Variants in NTM observed in about 807,000 individuals in gnomAD.
The protein encoded by NTM is IgLON family member 2.
NTM carries 13 observed loss-of-function variants against 42.1 expected under a neutral mutation model. The observed-to-expected ratio is 0.31, with a 90% CI of 0.20 to 0.49. NTM has a LOEUF of 0.49. Ranked by LOEUF, NTM falls within the 20% of genes least tolerant of loss-of-function variation. The pLI is 0.99. For synonymous variants in NTM, 187 were observed against 179.2 expected, an observed-to-expected ratio of 1.04 and a Z score of -0.35; for missense variants, 373 against 452.8, an observed-to-expected ratio of 0.82 and a Z score of 1.60.
intron 1 of NTM, among the ~76,000 whole-genome samples, chr11:131,425,271 T>G (rs1033304307): frequency 7.8e-6 from 1 of 127,854 alleles, no homozygotes; most frequent in Non-Finnish European, 1.6e-5. Flanking sequence ...ATGAAATAAC[T>G]GATGTGCAAG....
At chr11:131,558,256 C>A (rs979779385) in intron 1 of NTM, among the ~76,000 whole-genome samples, 7 of 152,086 alleles carry the variant, frequency 4.6e-5, no homozygotes, top group Non-Finnish European at 8.8e-5. Flanking sequence ...AGTGCTAACC[C>A]CTCCAGCCTG....
At chr11:132,321,168 T>C (rs2095560149) in intron 7 of NTM, among the ~76,000 whole-genome samples, 1 of 152,196 alleles carries the variant, frequency 6.6e-6, no homozygotes, top group Non-Finnish European at 1.5e-5. Context: ...TGAACAAAGC[T>C]GGACAGAGAA....
intron 2 of NTM, among the ~76,000 whole-genome samples, chr11:132,078,081 A>G (rs985178947): frequency 1.3e-5 from 2 of 152,216 alleles, no homozygotes; most frequent in African/African-American, 4.8e-5. Context: ...GCCCCACACG[A>G]GGGGATCATC....
chr11:131,878,886 C>A (rs1029098629), intron 1 of NTM, among the ~76,000 whole-genome samples: 1 of 151,738 alleles, frequency 6.6e-6, no homozygotes, highest in Non-Finnish European at 1.5e-5. Flanking sequence ...AGAGGAGTTC[C>A]CACCACCCCT....
chr11:131,727,750 T>C (rs2079132678), intron 1 of NTM, among the ~76,000 whole-genome samples: 1 of 152,130 alleles, frequency 6.6e-6, no homozygotes, highest in Non-Finnish European at 1.5e-5. Flanking sequence ...CCTTTACCCA[T>C]TTTTTAGGCT....
chr11:131,522,351 A>G (rs1192181230), intron 1 of NTM, among the ~76,000 whole-genome samples: 2 of 33,790 alleles, frequency 5.9e-5, no homozygotes, highest in East Asian at 8.9e-4. Flanking sequence ...TTTGCAGAAC[A>G]ACAAGAAAAA....
intron 3 of NTM, among the ~76,000 whole-genome samples, chr11:132,180,952 C>A (rs1379665393): frequency 1.3e-5 from 2 of 152,126 alleles, no homozygotes; most frequent in Admixed American, 1.3e-4. Flanking sequence ...TTTAGTTCAT[C>A]ATCATGTATG....
At chr11:131,790,024 T>C (rs1403107360) in intron 1 of NTM, among the ~76,000 whole-genome samples, 1 of 136,482 alleles carries the variant, frequency 7.3e-6, no homozygotes, top group Non-Finnish European at 1.6e-5. Context: ...TGTAGTTAAA[T>C]GAAAACAGAA....
intron 1 of NTM, among the ~76,000 whole-genome samples, chr11:131,375,007 C>T (rs540357306): frequency 6.6e-6 from 1 of 152,240 alleles, no homozygotes; most frequent in Admixed American, 6.5e-5. Context: ...AACAAACAAA[C>T]AAAAAACCCA....
chr11:131,594,765 G>C (rs977295928), intron 1 of NTM, among the ~76,000 whole-genome samples: 1 of 152,132 alleles, frequency 6.6e-6, no homozygotes, highest in African/African-American at 2.4e-5. Context: ...CTTGCAGGGA[G>C]GTAGAAGGAA....
chr11:131,561,669 A>G (rs2056244724), intron 1 of NTM, among the ~76,000 whole-genome samples: 1 of 151,506 alleles, frequency 6.6e-6, no homozygotes, highest in African/African-American at 2.4e-5. Flanking sequence ...AGGTGGAGTG[A>G]GAGAACAATT....
intron 1 of NTM, among the ~76,000 whole-genome samples, chr11:131,503,851 C>T (rs922345483): frequency 6.6e-6 from 1 of 152,122 alleles, no homozygotes; most frequent in Non-Finnish European, 1.5e-5. Flanking sequence ...CAGGGTTGTG[C>T]GTGTTTCTTT....
intron 2 of NTM, among the ~76,000 whole-genome samples, chr11:131,940,119 A>G (rs529646354): frequency 1.3e-5 from 2 of 152,248 alleles, no homozygotes; most frequent in Non-Finnish European, 2.9e-5. Flanking sequence ...CTCACTGAAG[A>G]TGATCCCAGT....
At chr11:131,451,156 A>G (rs143892673) in intron 1 of NTM, among the ~76,000 whole-genome samples, 1,614 of 152,338 alleles carry the variant, frequency 0.011, 26 homozygotes, top group African/African-American at 0.037. Flanking sequence ...CAAGAAAGAA[A>G]AATAACTAAC....
In NTM at chr11:131,988,057, A is replaced by G. The variant is rs533147818; in HGVS notation, c.167+76409A>G. On this transcript the variant is annotated intron_variant, in intron 2 of 8. Coordinates refer to ENST00000683400, the MANE Select transcript of NTM (RefSeq NM_001352005.2). ...CTGGGAAGTCCAATATCAAGGCACCATCCGATTTGGTGTCTGTTGAGAGTC... is the reference window on the plus strand; with the variant it reads ...CTGGGAAGTCCAATATCAAGGCACCGTCCGATTTGGTGTCTGTTGAGAGTC... Among the ~76,000 whole-genome samples the G allele has an allele frequency of 1.4e-4, 22 of 152,340 alleles. 1 individual carries two copies. The highest frequency in any genetic ancestry group is 3.8e-4 in the African/African-American group (16 of 41,580).
At chr11:131,710,653 G>A (rs1157217689) in intron 1 of NTM, among the ~76,000 whole-genome samples, 2 of 152,142 alleles carry the variant, frequency 1.3e-5, no homozygotes, top group East Asian at 3.9e-4. Flanking sequence ...CTGAGAAGTT[G>A]TAAAAAAAAT....
chr11:132,151,624 C>T (rs1465849082), intron 3 of NTM, among the ~76,000 whole-genome samples: 2 of 152,210 alleles, frequency 1.3e-5, no homozygotes, highest in Non-Finnish European at 2.9e-5. Flanking sequence ...TCATCCCCTC[C>T]CTTTTGTTTG....
At chr11:131,633,728 TCTCTCTCTCCCTCC>T (rs2063982931) in intron 1 of NTM, among the ~76,000 whole-genome samples, 1 of 21,362 alleles carries the variant, frequency 4.7e-5, no homozygotes, top group African/African-American at 9.7e-5. Flanking sequence ...CCTCTCTCTC[TCTCTCTCTCCCTCC>T]CTCTCTCTCC....
chr11:132,161,163 A>G (rs900018857), intron 3 of NTM, among the ~76,000 whole-genome samples: 1 of 151,824 alleles, frequency 6.6e-6, no homozygotes, highest in African/African-American at 2.4e-5. Flanking sequence ...GGAGGAGTTG[A>G]GCTCCTGGTT....
Sources: gnomAD v4.1 joint callset for allele counts (sites outside exome capture counted in the v4.1 genomes callset) on GRCh38, gnomAD v4.1.1 for gene constraint, MANE v1.5 for transcripts, NCBI Gene and HGNC (gene_info 2026-07-23, HGNC 2026-07-21) for gene names.